TYW1: variants seen among roughly 807,000 people sequenced by gnomAD.
TYW1 encodes S-adenosyl-L-methionine-dependent tRNA 4-demethylwyosine synthase TYW1.
A neutral mutation model predicts 96.2 loss-of-function variants in TYW1; 46 were observed. That is an observed-to-expected ratio of 0.48 (90% CI 0.38 to 0.61). The LOEUF is 0.61. Among genes scored for constraint, TYW1 ranks in the 20% least tolerant of loss-of-function variants. The pLI is 0.00. For missense variants in TYW1, 684 were observed against 909.6 expected (o/e 0.75, Z 3.19); for synonymous variants, 274 against 323.0 (o/e 0.85, Z 1.63).
In TYW1 at chr7:67,210,152, C is replaced by T. The variant is rs374159023; in HGVS notation, c.1977+14815C>T. Among the ~76,000 whole-genome samples the T allele has an allele frequency of 2.2e-3, 336 of 152,256 alleles. 1 individual carries two copies. The highest frequency in any genetic ancestry group is 7.0e-3 in the African/African-American group (289 of 41,548). The stretch of plus-strand genomic sequence containing the variant: ...TCAATTCTCTTTAGGCTCCTCTTGG[C>T]GTGGCAGTTCTCAGACTTTCCTTAT... On this transcript the variant is annotated intron_variant, in intron 15 of 15. Coordinates refer to ENST00000359626, the MANE Select transcript of TYW1 (RefSeq NM_018264.4).
At position 67,055,585 on chromosome 7, in the gene TYW1, C is replaced by T. The variant is rs535227840; in HGVS notation, c.1103-250C>T. On this transcript the variant is annotated intron_variant, in intron 8 of 15. Coordinates refer to ENST00000359626, the MANE Select transcript of TYW1 (RefSeq NM_018264.4). ...CTGCACTCCTGCCTGGGTGACAGAG[C>T]GGGACTGTCTTAAAAAAAAAAAAAA... Among the ~76,000 whole-genome samples the T allele has an allele frequency of 4.3e-5, 6 of 140,196 alleles. No individual in the cohort carries two copies. The East Asian group carries it at 6.1e-4, about 14-fold the overall frequency. The allele number at this position is 140,196 out of a possible 152,430, so 92.0% of individuals were successfully genotyped here.
intron 13 of TYW1, among the ~76,000 whole-genome samples, chr7:67,176,779 T>C (rs954401048): frequency 2.6e-5 from 4 of 152,140 alleles, no homozygotes; most frequent in Non-Finnish European, 5.9e-5. Flanking sequence ...CTTGCTCCAC[T>C]GTAGGATTTT....
At chr7:67,092,674 C>CTTTTTT (rs3980762) in intron 11 of TYW1, among the ~76,000 whole-genome samples, 1 of 92,448 alleles carries the variant, frequency 1.1e-5, no homozygotes, top group African/African-American at 3.9e-5. Context: ...CTATCACCTT[C>CTTTTTT]TTTTTTTTTT....
At position 66,997,752 on chromosome 7, in the gene TYW1, C is replaced by G. The variant is rs534402603; in HGVS notation, c.5-313C>G. ...CAAACAGTTCTCCTGCCTCAGCCCC[C>G]CGAGTAGCTGGGATTACAGGTGCGC... On this transcript the variant is annotated intron_variant, in intron 1 of 15. Coordinates refer to ENST00000359626, the MANE Select transcript of TYW1 (RefSeq NM_018264.4). Among the ~76,000 whole-genome samples the G allele has an allele frequency of 1.2e-3, 177 of 152,046 alleles. 2 individuals carry two copies. The highest frequency in any genetic ancestry group is 2.1e-3 in the Non-Finnish European group (140 of 67,974).
intron 13 of TYW1, among the ~76,000 whole-genome samples, chr7:67,151,065 T>TGGAGACAGAGTC: frequency 6.6e-6 from 1 of 151,832 alleles, no homozygotes; most frequent in Non-Finnish European, 1.5e-5. Context: ...TTTTTTTTTT[T>TGGAGACAGAGTC]TTGGAGACAG....
At position 67,051,317 on chromosome 7, in the gene TYW1, T is replaced by G. The variant is rs1795348179; in HGVS notation, c.1102+1251T>G. 3.3e-5 allele frequency among the ~76,000 whole-genome samples: 5 copies of G among 152,108 alleles called. No individual in the cohort carries two copies. In the South Asian group the frequency reaches 1.0e-3, roughly 32 times the overall value. ...ATCACACATTTTACTTTTACTTTTG[T>G]TTTTTGGTTGAGTCGGGTCTTGCTC... On this transcript the variant is annotated intron_variant, in intron 8 of 15. Transcript: ENST00000359626.
intron 7 of TYW1, among the ~76,000 whole-genome samples, chr7:67,041,329 A>T (rs1247501194): frequency 6.6e-6 from 1 of 151,030 alleles, no homozygotes; most frequent in African/African-American, 2.4e-5. Context: ...TTTTTGAGAC[A>T]GTCTTGCTGT....
At chr7:67,184,900 G>C (rs555841635) in intron 14 of TYW1, among the ~76,000 whole-genome samples, 1 of 151,766 alleles carries the variant, frequency 6.6e-6, no homozygotes, top group African/African-American at 2.4e-5. Context: ...TAGAGACGGG[G>C]TTTCACCATG....
intron 13 of TYW1, among the ~76,000 whole-genome samples, chr7:67,165,672 A>G (rs1412417061): frequency 6.6e-6 from 1 of 152,216 alleles, no homozygotes; most frequent in Non-Finnish European, 1.5e-5. Context: ...TCACACCTGT[A>G]ATCCCAGCAC....
chr7:67,078,833 T>C (rs1796290262), intron 10 of TYW1, among the ~76,000 whole-genome samples: 1 of 151,984 alleles, frequency 6.6e-6, no homozygotes, highest in African/African-American at 2.4e-5. Flanking sequence ...GCTGGGATTA[T>C]AGATGCCTGC....
intron 15 of TYW1, among the ~76,000 whole-genome samples, chr7:67,204,663 C>T (rs529662867): frequency 2.0e-4 from 30 of 151,414 alleles, no homozygotes; most frequent in Non-Finnish European, 3.2e-4. Context: ...GGCACAATCT[C>T]GGCTCACTGC....
intron 12 of TYW1, among the ~76,000 whole-genome samples, 176 bp from the exon 13 acceptor site, chr7:67,117,307 G>T (rs192249804): frequency 1.6e-3 from 238 of 152,206 alleles, no homozygotes; most frequent in African/African-American, 5.5e-3. Context: ...ACCAGAGGCC[G>T]TCCCATTTTG....
At chr7:67,112,778 G>T (rs1797464975) in intron 12 of TYW1, among the ~76,000 whole-genome samples, 1 of 152,130 alleles carries the variant, frequency 6.6e-6, no homozygotes. Flanking sequence ...TTGTTGGATT[G>T]GTGATAAGTG....
At chr7:67,070,354 A>T (rs1396431071) in intron 10 of TYW1, among the ~76,000 whole-genome samples, 1 of 151,654 alleles carries the variant, frequency 6.6e-6, no homozygotes, top group African/African-American at 2.4e-5. Flanking sequence ...TGGAACTTTT[A>T]TTATGCATAT....
At chr7:67,012,408 C>G (rs1384046088) in intron 4 of TYW1, among the ~76,000 whole-genome samples, 2 of 152,018 alleles carry the variant, frequency 1.3e-5, no homozygotes, top group Non-Finnish European at 2.9e-5. Context: ...GTTTACCGGC[C>G]CCGTCTTAGT....
At chr7:67,062,970 T>A (rs1279568332) in intron 9 of TYW1, among the ~76,000 whole-genome samples, 1 of 152,218 alleles carries the variant, frequency 6.6e-6, no homozygotes, top group Admixed American at 6.5e-5. Flanking sequence ...AGTAACCCGA[T>A]AAAACCTGAC....
At chr7:67,040,059 C>T (rs1211467346) in intron 7 of TYW1, among the ~76,000 whole-genome samples, 2 of 151,752 alleles carry the variant, frequency 1.3e-5, no homozygotes, top group Admixed American at 6.6e-5. Context: ...TGGGTTCAAG[C>T]AGTTCTCCCA....
At position 67,137,706 on chromosome 7, in the gene TYW1, G is replaced by A. The variant is rs373974053; in HGVS notation, c.1698+20088G>A. 8.3e-4 allele frequency among the ~76,000 whole-genome samples: 125 copies of A among 151,422 alleles called. 2 individuals carry two copies. The South Asian group carries it at 0.026, about 31-fold the overall frequency. ...ATCTTCTCTATGTGGAAAGATTGGT[G>A]TGTATGGAGGTGTGGATTAAGACCT... On this transcript the variant is annotated intron_variant, in intron 13 of 15. Transcript: ENST00000359626.
At chr7:67,201,768 T>C (rs1445180540) in intron 15 of TYW1, among the ~76,000 whole-genome samples, 1 of 152,198 alleles carries the variant, frequency 6.6e-6, no homozygotes, top group African/African-American at 2.4e-5. Context: ...ACACCAGATA[T>C]ACCCTAACGT....
Sources: gnomAD v4.1 joint callset for allele counts (sites outside exome capture counted in the v4.1 genomes callset) on GRCh38, gnomAD v4.1.1 for gene constraint, MANE v1.5 for transcripts, NCBI Gene and HGNC (gene_info 2026-07-23, HGNC 2026-07-21) for gene names.